Variants in SHANK2 observed in about 807,000 individuals in gnomAD.
SHANK2 encodes SH3 and multiple ankyrin repeat domains protein 2.
In SHANK2, 43 loss-of-function variants were observed where a neutral mutation model predicts 133.7. That is an observed-to-expected ratio of 0.32 (90% CI 0.25 to 0.41). The LOEUF is 0.41. Ranked by LOEUF, SHANK2 falls within the 10% of genes least tolerant of loss-of-function variation. The pLI, the probability that SHANK2 is intolerant of heterozygous loss-of-function variation, is 1.00. For missense variants in SHANK2, 1,994 were observed against 2,235.8 expected (o/e 0.89, Z 2.18); for synonymous variants, 1,017 against 952.8 (o/e 1.07, Z -1.24).
chr11:70,598,602 A>C (rs909582817), intron 17 of SHANK2, among the ~76,000 whole-genome samples: 2 of 152,206 alleles, frequency 1.3e-5, no homozygotes, highest in Non-Finnish European at 2.9e-5. Flanking sequence ...CGGTTGGAAA[A>C]GAATGGCCTC....
chr11:71,101,391 G>C (rs1255485655), intron 6 of SHANK2, among the ~76,000 whole-genome samples: 4 of 152,176 alleles, frequency 2.6e-5, no homozygotes, highest in African/African-American at 9.7e-5. Context: ...CTGAAAGAAT[G>C]AGACACTGTA....
intron 17 of SHANK2, among the ~76,000 whole-genome samples, chr11:70,549,996 C>T (rs1463125365): frequency 6.6e-6 from 1 of 152,140 alleles, no homozygotes; most frequent in Non-Finnish European, 1.5e-5. Flanking sequence ...ATGTGCAGGG[C>T]ACTGCCCTGT....
In SHANK2 at chr11:70,848,843, G is replaced by A. The variant is rs1011440541; in HGVS notation, c.1175-28161C>T. On this transcript the variant is annotated intron_variant, in intron 11 of 25. Coordinates refer to ENST00000601538, the MANE Select transcript of SHANK2 (RefSeq NM_012309.5). The stretch of plus-strand genomic sequence containing the variant: ...GAATGGGAGAGCCAGTCCTTTCCCC[G>A]AGCAAGCAAGCCTGATGCCAGCTTG... Among the ~76,000 whole-genome samples the A allele has an allele frequency of 6.6e-5, 10 of 152,112 alleles. No individual in the cohort carries two copies. The East Asian group carries it at 1.9e-3, about 29-fold the overall frequency.
chr11:71,096,155 A>G (rs1270842992), intron 6 of SHANK2, among the ~76,000 whole-genome samples: 2 of 152,264 alleles, frequency 1.3e-5, no homozygotes, highest in Admixed American at 6.5e-5. Flanking sequence ...GTCTTCCCCA[A>G]CTAGGAACGA....
intron 3 of SHANK2, among the ~76,000 whole-genome samples, chr11:71,129,094 T>C (rs187892535): frequency 8.5e-5 from 13 of 152,360 alleles, no homozygotes; most frequent in African/African-American, 3.1e-4. Context: ...TTTCTGTCTT[T>C]TTCTTTGCAT....
At chr11:70,510,946 G>A (rs1427003684) in intron 17 of SHANK2, among the ~76,000 whole-genome samples, 1 of 152,228 alleles carries the variant, frequency 6.6e-6, no homozygotes, top group Non-Finnish European at 1.5e-5. Flanking sequence ...ACCTCCCGTC[G>A]ACCATGCTGG....
At chr11:71,127,423 T>C (rs1236731569) in intron 3 of SHANK2, among the ~76,000 whole-genome samples, 39 of 152,208 alleles carry the variant, frequency 2.6e-4, no homozygotes, top group African/African-American at 8.7e-4. Context: ...CAAACAGCAT[T>C]GCATGCTACA....
At chr11:70,501,998 C>T in intron 19 of SHANK2, 67 bp from the exon 20 acceptor site, 1 of 1,517,132 alleles carries the variant, frequency 6.6e-7, no homozygotes, top group African/African-American at 1.4e-5. Flanking sequence ...AAAGGCAGGA[C>T]TAGCAACAAC....
At chr11:71,191,554 TTTTTG>T (rs1555115444) in intron 2 of SHANK2, among the ~76,000 whole-genome samples, 1 of 151,984 alleles carries the variant, frequency 6.6e-6, no homozygotes, top group Non-Finnish European at 1.5e-5. Context: ...CCTCCTCTGT[TTTTTG>T]TTTTGTTTTG....
chr11:70,729,649 C>T (rs12282446), intron 14 of SHANK2, among the ~76,000 whole-genome samples: 23,966 of 151,234 alleles, frequency 0.16, 2,195 homozygotes, highest in South Asian at 0.29. Flanking sequence ...TTCAGCCTCC[C>T]GAGTAGCTGG....
At chr11:70,822,954 G>T (rs1187197289) in intron 11 of SHANK2, among the ~76,000 whole-genome samples, 32 of 36,512 alleles carry the variant, frequency 8.8e-4, no homozygotes, top group Admixed American at 2.1e-3. Context: ...ACTGGCAGAG[G>T]TCACGGGGGA....
Position 71,118,920 on chromosome 11 carries a change from G to A in SHANK2, c.320C>T (p.Ala107Val). Residue 107 changes from alanine (A) to valine (V), a missense_variant, in exon 4 of 26, where the codon GCC becomes GTC. Ala to Val is a moderately conservative substitution (Grantham distance 64, BLOSUM62 0). Coordinates refer to ENST00000601538, the MANE Select transcript of SHANK2 (RefSeq NM_012309.5). ...GAACTTGCCGTCACGCCCATTGCTG[G>A]CCGGCTGGAACAGGCCGTAGTTCAG... ...DVLNYGLFQP[A>V]SNGRDGKFLD... The A allele has an allele frequency of 7.1e-6, 11 of 1,551,770 alleles. No individual in the cohort carries two copies. The highest frequency in any genetic ancestry group is 9.6e-6 in the Non-Finnish European group (11 of 1,147,010).
intron 11 of SHANK2, among the ~76,000 whole-genome samples, chr11:70,825,140 G>A (rs1948618530): frequency 6.6e-6 from 1 of 152,174 alleles, no homozygotes; most frequent in African/African-American, 2.4e-5. Context: ...CTTGTAACTG[G>A]GGGAGGTATG....
chr11:70,942,708 A>G (rs1322040567), intron 10 of SHANK2: 1 of 456,658 alleles, frequency 2.2e-6, no homozygotes, highest in African/African-American at 2.0e-5. Context: ...ACAGTGGATT[A>G]TAAGTATCTC....
In SHANK2 at chr11:71,083,274, C is replaced by T. The variant is rs1046389114; in HGVS notation, c.913-7999G>A. On this transcript the variant is annotated intron_variant, in intron 8 of 25. Coordinates refer to ENST00000601538, the MANE Select transcript of SHANK2 (RefSeq NM_012309.5). ...ATTTACTTCTAATGATGACGTCAGA[C>T]GTGGCCACATGATGATGACAATGAT... Among the ~76,000 whole-genome samples the T allele has an allele frequency of 2.8e-4, 43 of 152,140 alleles. No homozygotes were observed. The East Asian group carries it at 6.4e-3, about 23-fold the overall frequency.
At chr11:71,115,287 T>G (rs555670219) in intron 4 of SHANK2, among the ~76,000 whole-genome samples, 1 of 152,110 alleles carries the variant, frequency 6.6e-6, no homozygotes, top group Admixed American at 6.5e-5. Flanking sequence ...CTGGCCAACA[T>G]GGTGAAACCC....
intron 14 of SHANK2, among the ~76,000 whole-genome samples, chr11:70,717,897 C>T (rs533368239): frequency 2.6e-5 from 4 of 152,158 alleles, no homozygotes; most frequent in Non-Finnish European, 4.4e-5. Context: ...AAGATGGCTC[C>T]GGGAATGTTT....
intron 6 of SHANK2, among the ~76,000 whole-genome samples, chr11:71,098,631 G>A (rs1951667534): frequency 6.6e-6 from 1 of 152,202 alleles, no homozygotes; most frequent in Non-Finnish European, 1.5e-5. Context: ...AGTGGAGTCT[G>A]TAAGACTAAA....
At chr11:70,846,177 G>A (rs1351829602) in intron 11 of SHANK2, among the ~76,000 whole-genome samples, 1 of 152,104 alleles carries the variant, frequency 6.6e-6, no homozygotes, top group Non-Finnish European at 1.5e-5. Context: ...TTTCTACCGT[G>A]GCAGAAAACG....
Sources: allele counts gnomAD v4.1 joint callset (sites outside exome capture counted in the v4.1 genomes callset), GRCh38; gene constraint gnomAD v4.1.1; transcripts MANE v1.5; gene names NCBI Gene and HGNC (gene_info 2026-07-23, HGNC 2026-07-21).